Variants in EYS observed in about 807,000 individuals in gnomAD.
The protein encoded by EYS is EGF-like photoreceptor maintenance factor, also known as protein eyes shut homolog.
In EYS, 250 loss-of-function variants were observed where a neutral mutation model predicts 282.1. The ratio of observed to expected loss-of-function variants is 0.89; its 90% CI spans 0.80 to 0.98. The LOEUF is 0.98. Ranked by LOEUF, EYS falls within the 50% of genes least tolerant of loss-of-function variation. EYS has a pLI of 0.00. For synonymous variants in EYS, 1,355 were observed against 1,282.9 expected (o/e 1.06, Z -1.20); for missense variants, 4,016 against 3,709.0 (o/e 1.08, Z -2.15).
chr6:64,289,477 A>G (rs1237852588), intron 30 of EYS, among the ~76,000 whole-genome samples: 1 of 152,052 alleles, frequency 6.6e-6, no homozygotes, highest in Non-Finnish European at 1.5e-5. Context: ...TTCTCATCCT[A>G]TGAGAAGGCT....
chr6:64,472,017 C>A (rs1001014413), intron 26 of EYS, among the ~76,000 whole-genome samples: 6 of 152,146 alleles, frequency 3.9e-5, no homozygotes, highest in Non-Finnish European at 2.9e-5. Context: ...TAAATACTTT[C>A]ATTTGATCAT....
At chr6:65,229,520 GA>G (rs932779055) in intron 12 of EYS, among the ~76,000 whole-genome samples, 24 of 147,202 alleles carry the variant, frequency 1.6e-4, no homozygotes, top group African/African-American at 2.2e-4. Context: ...CGAAGTTACA[GA>G]AAAAAAAAAG....
At chr6:64,764,072 G>A (rs181771177) in intron 22 of EYS, among the ~76,000 whole-genome samples, 3 of 152,310 alleles carry the variant, frequency 2.0e-5, no homozygotes, top group Non-Finnish European at 4.4e-5. Flanking sequence ...CACTGTGCAA[G>A]CTGTTGGTGG....
Position 65,120,460 on chromosome 6 carries a change from C to CAAAAAA in EYS, c.2024-62739_2024-62734dup, listed in dbSNP as rs67505285. ...ACATTACTCTTTTTCTTTAAATAAGCAAAAAAAAAAAAAAAAAAAAAAAAT... is the reference window on the plus strand; with the variant it reads ...ACATTACTCTTTTTCTTTAAATAAGCAAAAAAAAAAAAAAAAAAAAAAAAAAAAAAT... On this transcript the variant is annotated intron_variant, in intron 12 of 42. Coordinates refer to ENST00000503581, the MANE Select transcript of EYS (RefSeq NM_001142800.2). Among the ~76,000 whole-genome samples the CAAAAAA allele has an allele frequency of 9.0e-3, 615 of 68,226 alleles. 32 individuals are homozygous for CAAAAAA. The highest frequency in any genetic ancestry group is 0.029 in the African/African-American group (478 of 16,706). 44.8% of individuals were successfully genotyped at this position (68,226 alleles called of 152,430 possible).
chr6:64,656,199 A>C (rs1007861286), intron 22 of EYS, among the ~76,000 whole-genome samples: 36 of 152,316 alleles, frequency 2.4e-4, no homozygotes, highest in African/African-American at 7.5e-4. Flanking sequence ...ACAGAAAAAA[A>C]AATAAATGCT....
intron 22 of EYS, among the ~76,000 whole-genome samples, chr6:64,650,580 G>T (rs1768522008): frequency 6.7e-6 from 1 of 149,926 alleles, no homozygotes; most frequent in Non-Finnish European, 1.5e-5. Context: ...CTTTTTCAAA[G>T]AAAATATAAA....
chr6:64,667,667 G>A (rs1769279989), intron 22 of EYS, among the ~76,000 whole-genome samples: 1 of 151,876 alleles, frequency 6.6e-6, no homozygotes, highest in Non-Finnish European at 1.5e-5. Context: ...TTTTCATATA[G>A]AGGGAGATCC....
chr6:64,236,043 T>C (rs1209638461), intron 30 of EYS, among the ~76,000 whole-genome samples: 1 of 152,138 alleles, frequency 6.6e-6, no homozygotes, highest in Non-Finnish European at 1.5e-5. Context: ...TAGACCAATA[T>C]CCTTGATGAA....
chr6:65,185,154 TAAC>T (rs1268260068), intron 12 of EYS, among the ~76,000 whole-genome samples: 1 of 151,780 alleles, frequency 6.6e-6, no homozygotes, highest in African/African-American at 2.4e-5. Context: ...ACTAAAATAT[TAAC>T]AGTCTCTAGA....
chr6:64,150,991 A>G (rs1434710146), intron 31 of EYS, among the ~76,000 whole-genome samples: 1 of 152,116 alleles, frequency 6.6e-6, no homozygotes, highest in Non-Finnish European at 1.5e-5. Context: ...ATCTATGCAC[A>G]CTTAAAATGA....
chr6:64,514,790 T>C (rs1259350161), intron 26 of EYS, among the ~76,000 whole-genome samples: 1 of 151,768 alleles, frequency 6.6e-6, no homozygotes, highest in East Asian at 1.9e-4. Context: ...GAGAGGAGAA[T>C]TTGAAATTCA....
At chr6:64,570,742 A>G (rs1348844928) in intron 26 of EYS, among the ~76,000 whole-genome samples, 1 of 152,220 alleles carries the variant, frequency 6.6e-6, no homozygotes, top group Admixed American at 6.5e-5. Context: ...ACTATGCTAA[A>G]TATATGTATA....
At chr6:64,646,411 TAA>T (rs1768352042) in intron 22 of EYS, among the ~76,000 whole-genome samples, 1 of 152,192 alleles carries the variant, frequency 6.6e-6, no homozygotes, top group South Asian at 2.1e-4. Context: ...CATATAATGG[TAA>T]AAGAGACATT....
chr6:65,081,478 A>C (rs2150171742), intron 12 of EYS, among the ~76,000 whole-genome samples: 1 of 152,216 alleles, frequency 6.6e-6, no homozygotes, highest in Admixed American at 6.6e-5. Flanking sequence ...TCTATTATAT[A>C]AAATACTATC....
At chr6:64,592,825 C>A (rs1225175191) in intron 25 of EYS, among the ~76,000 whole-genome samples, 1 of 151,908 alleles carries the variant, frequency 6.6e-6, no homozygotes, top group African/African-American at 2.4e-5. Context: ...AGCACAAGGC[C>A]CTTTTAAAAC....
chr6:65,177,089 A>C (rs575005093), intron 12 of EYS, among the ~76,000 whole-genome samples: 1 of 151,896 alleles, frequency 6.6e-6, no homozygotes, highest in East Asian at 2.0e-4. Context: ...TGAGTGTTTC[A>C]ATTAACTAAG....
chr6:64,256,324 T>C (rs1767399419), intron 30 of EYS, among the ~76,000 whole-genome samples: 1 of 152,022 alleles, frequency 6.6e-6, no homozygotes, highest in Admixed American at 6.6e-5. Context: ...CTGCTCATGC[T>C]TCATTGTGGT....
rs149823162 is a variant in EYS, at chr6:63,984,477, T to C, written c.6961A>G (p.Ile2321Val). The C allele has an allele frequency of 6.5e-7, 1 of 1,549,694 alleles. No individual in the cohort carries two copies. Residue 2321 changes from isoleucine to valine, a missense_variant, in exon 35 of 43, where the codon ATC becomes GTC. Physicochemically the swap from Ile to Val is conservative, Grantham distance 29. Transcript: ENST00000503581. The stretch of plus-strand genomic sequence containing the variant: ...TTTCCATGTCGTGCTTCATCGATGA[T>C]GAAGAATTCTTTGTTGTTTACTTGA... Reference protein sequence around the residue: ...DLQVNNKEFFIIDEARHGKNI... With the variant: ...DLQVNNKEFFVIDEARHGKNI...
chr6:65,478,354 G>C (rs1368354865), intron 5 of EYS, among the ~76,000 whole-genome samples: 1 of 152,068 alleles, frequency 6.6e-6, no homozygotes. Flanking sequence ...CCATAAAAAG[G>C]ATACTGGATT....
Sources: gnomAD v4.1 joint callset for allele counts (sites outside exome capture counted in the v4.1 genomes callset) on GRCh38, gnomAD v4.1.1 for gene constraint, MANE v1.5 for transcripts, NCBI Gene and HGNC (gene_info 2026-07-23, HGNC 2026-07-21) for gene names.